AARS1: variants seen among roughly 807,000 people sequenced by gnomAD.
AARS1 encodes alanyl-tRNA synthetase 1.
AARS1 carries 72 observed loss-of-function variants against 108.9 expected under a neutral mutation model. The observed-to-expected ratio is 0.66, with a 90% CI of 0.55 to 0.80. The LOEUF (loss-of-function observed/expected upper bound fraction) is 0.80. AARS1 is among the 30% of genes least tolerant of loss of function. AARS1 has a pLI of 0.00. For synonymous variants in AARS1, 489 were observed against 465.7 expected, an observed-to-expected ratio of 1.05 and a Z score of -0.64; for missense variants, 1,193 against 1,233.2, an observed-to-expected ratio of 0.97 and a Z score of 0.49.
intron 1 of AARS1, among the ~76,000 whole-genome samples, chr16:70,287,249 C>T (rs562182300): frequency 1.7e-3 from 99 of 57,100 alleles, no homozygotes; most frequent in African/African-American, 6.2e-3. Context: ...AGCGAGACTC[C>T]GTCTCAAAAA....
chr16:70,269,641 G>A lies in AARS1; in HGVS notation c.939C>T (p.Gly313=). 6.2e-7 allele frequency: 1 copy of A among 1,614,096 alleles called. No individual in the cohort carries two copies. Among genetic ancestry groups the A allele is most frequent in the Non-Finnish European group, 8.5e-7 (1 of 1,180,036 alleles). The change falls in exon 7 of 21, where the codon GGC becomes GGT. Residue 313 remains glycine (G), a synonymous_variant. Coordinates refer to ENST00000261772, the MANE Select transcript of AARS1 (RefSeq NM_001605.3). ...ACCCACGCCCTGTGTTGTCAGGCCG[G>A]CCACCATCAGCCAGTGCCACAGTGA... ...RTITVALADG[G]RPDNTGRGYV... is the part of the protein sequence containing the mutation.
At chr16:70,267,220 G>T (rs534217933) in intron 9 of AARS1, among the ~76,000 whole-genome samples, 1 of 152,244 alleles carries the variant, frequency 6.6e-6, no homozygotes, top group Non-Finnish European at 1.5e-5. Flanking sequence ...CTTCAATAAA[G>T]AATCTTTGGA....
intron 4 of AARS1, among the ~76,000 whole-genome samples, chr16:70,272,506 CAAAAAAAA>C (rs34129241): frequency 1.8e-4 from 3 of 17,022 alleles, no homozygotes; most frequent in African/African-American, 5.5e-4. Context: ...AACTCCATCT[CAAAAAAAA>C]AAAAAAAAAA....
intron 12 of AARS1, 50 bp downstream of exon 12, chr16:70,262,296 G>A (rs1354344787): frequency 8.7e-6 from 14 of 1,610,980 alleles, no homozygotes; most frequent in East Asian, 2.2e-5. Context: ...GCAGCTCCCC[G>A]GCTCCACGCC....
chr16:70,253,084 C>T (rs984447100), intron 20 of AARS1, among the ~76,000 whole-genome samples, 178 bp from the exon 21 acceptor site: 1 of 152,202 alleles, frequency 6.6e-6, no homozygotes. Flanking sequence ...CAGGACAGGA[C>T]AGAGTGGCAA....
At chr16:70,263,683 G>A (rs750347138) in intron 11 of AARS1, among the ~76,000 whole-genome samples, 3 of 151,974 alleles carry the variant, frequency 2.0e-5, no homozygotes, top group Non-Finnish European at 4.4e-5. Flanking sequence ...AGCCCAGGCT[G>A]GAGTGCAGTG....
At chr16:70,268,422 GT>G (rs1567607017) in intron 7 of AARS1, 43 bp from the exon 8 acceptor site, 2 of 1,570,510 alleles carry the variant, frequency 1.3e-6, no homozygotes, top group South Asian at 2.2e-5. Flanking sequence ...CCAGCTGAGG[GT>G]TTTGTCTTGA....
chr16:70,266,079 C>T (rs1351461442), intron 9 of AARS1, among the ~76,000 whole-genome samples: 3 of 151,914 alleles, frequency 2.0e-5, no homozygotes, highest in Non-Finnish European at 2.9e-5. Context: ...TTTGGGAGGC[C>T]GAGGCGGGCG....
In AARS1 at chr16:70,258,028, C is replaced by T. The variant is rs2152153454; in HGVS notation, c.2177+5G>A. On this transcript the variant is annotated splice_donor_5th_base_variant and intron_variant, in intron 15 of 20. Coordinates refer to ENST00000261772, the MANE Select transcript of AARS1 (RefSeq NM_001605.3). The stretch of plus-strand genomic sequence containing the variant: ...CTGTCTACTCTGCCCCTCTGCAGTA[C>T]TCACGTTCCCCCACAGAACTCAACA... The T allele has an allele frequency of 1.2e-6, 2 of 1,614,138 alleles. No individual in the cohort carries two copies. The highest frequency in any genetic ancestry group is 1.7e-6 in the Non-Finnish European group (2 of 1,180,024).
In AARS1 at chr16:70,253,722, A is replaced by G. The variant is rs765187006; in HGVS notation, c.2599T>C (p.Ser867Pro). 1.9e-6 allele frequency: 3 copies of G among 1,613,880 alleles called. No individual in the cohort carries two copies. The highest frequency in any genetic ancestry group is 2.5e-6 in the Non-Finnish European group (3 of 1,180,024). ...LVILEMESGA[S>P]AKALNEALKL... ...CCTGGCCCCTGGGTTGCCTTGGCTG[A>G]GGCGCCGCTCTCCATCTCCAGGATG... The change falls in exon 19 of 21, where the codon TCA becomes CCA. Residue 867 changes from serine (S) to proline (P), a missense_variant. By Grantham distance (74) the Ser-to-Pro change is moderately conservative. Coordinates refer to ENST00000261772, the MANE Select transcript of AARS1 (RefSeq NM_001605.3).
In AARS1 at chr16:70,255,841, A is replaced by G. The variant is rs1959978076; in HGVS notation, c.2178-5T>C. 6.2e-7 allele frequency: 1 copy of G among 1,611,476 alleles called. No homozygotes were observed. The highest frequency in any genetic ancestry group is 8.5e-7 in the Non-Finnish European group (1 of 1,178,826). On this transcript the variant is annotated splice_polypyrimidine_tract_variant and splice_region_variant and intron_variant, in intron 15 of 20. Transcript: ENST00000261772. ...TGACTCGAGTTCCGCAGGTGCCTGA[A>G]TGGCAGAACACAAAGTCCATAGTGA...
intron 16 of AARS1, 75 bp from the exon 17 acceptor site, chr16:70,254,809 G>A (rs1026668080): frequency 9.9e-6 from 10 of 1,012,802 alleles, no homozygotes; most frequent in Admixed American, 1.9e-5. Flanking sequence ...GAGCAGCTGC[G>A]GAAGCCCCGG....
At chr16:70,257,251 A>C (rs1029060529) in intron 15 of AARS1, among the ~76,000 whole-genome samples, 1 of 151,748 alleles carries the variant, frequency 6.6e-6, no homozygotes, top group Non-Finnish European at 1.5e-5. Context: ...CTCAAAAAAA[A>C]AAAAAGAATG....
At chr16:70,262,905 T>C (rs775461937) in intron 11 of AARS1, among the ~76,000 whole-genome samples, 2 of 131,850 alleles carry the variant, frequency 1.5e-5, no homozygotes, top group Non-Finnish European at 3.1e-5. Flanking sequence ...GAGGCGGAGC[T>C]TGCAGTGAGC....
intron 16 of AARS1, among the ~76,000 whole-genome samples, 189 bp downstream of exon 16, chr16:70,255,539 G>A (rs536637518): frequency 3.3e-5 from 5 of 152,130 alleles, no homozygotes; most frequent in Non-Finnish European, 7.4e-5. Flanking sequence ...AGGAAAGCTA[G>A]GAGATCTTGT....
chr16:70,253,723 G>C lies in AARS1; in HGVS notation c.2598C>G (p.Ala866=). The C allele has an allele frequency of 6.2e-7, 1 of 1,613,940 alleles. No homozygotes were observed. The highest frequency in any genetic ancestry group is 8.5e-7 in the Non-Finnish European group (1 of 1,180,032). ...PLVILEMESG[A]SAKALNEALK... is the part of the protein sequence containing the mutation. The stretch of plus-strand genomic sequence containing the variant: ...CTGGCCCCTGGGTTGCCTTGGCTGA[G>C]GCGCCGCTCTCCATCTCCAGGATGA... The change falls in exon 19 of 21, where the codon GCC becomes GCG. Residue 866 remains alanine, a synonymous_variant. Transcript: ENST00000261772.
At chr16:70,279,320 C>T (rs1960632426) in intron 2 of AARS1, among the ~76,000 whole-genome samples, 1 of 133,134 alleles carries the variant, frequency 7.5e-6, no homozygotes, top group East Asian at 2.1e-4. Context: ...CACTGAATTC[C>T]AGCTGGGGTG....
chr16:70,255,944 A>G, intron 15 of AARS1, 108 bp from the exon 16 acceptor site: 2 of 1,055,410 alleles, frequency 1.9e-6, no homozygotes, highest in Non-Finnish European at 2.9e-6. Context: ...AGTCAGGGAA[A>G]GCCTGGGCTT....
rs571461110 is a variant in AARS1 at position 70,260,973 on chromosome 16, G to A, written c.1785+71C>T. The stretch of plus-strand genomic sequence containing the variant: ...CACCACACCCGGCCCAACAGTGACA[G>A]GACAATTTAAAGCCAGAGGAGAAGA... On this transcript the variant is annotated intron_variant, in intron 13 of 20. Transcript: ENST00000261772. 1.6e-5 allele frequency: 20 copies of A among 1,267,232 alleles called. No individual in the cohort carries two copies. In the Admixed American group the frequency reaches 3.1e-4, roughly 20 times the overall value. 78.5% of individuals were successfully genotyped at this position (1,267,232 alleles called of 1,614,324 possible). A position where few individuals can be genotyped will look rare whatever the true frequency, so the allele number is the denominator to read the frequency against.
Sources: gnomAD v4.1 joint callset for allele counts (sites outside exome capture counted in the v4.1 genomes callset) on GRCh38, gnomAD v4.1.1 for gene constraint, MANE v1.5 for transcripts, NCBI Gene and HGNC (gene_info 2026-07-23, HGNC 2026-07-21) for gene names.